ZC3H3: variants seen among roughly 807,000 people sequenced by gnomAD.
ZC3H3 encodes the protein zinc finger CCCH-type containing 3.
In ZC3H3, 36 loss-of-function variants were observed where a neutral mutation model predicts 77.3. The observed-to-expected ratio is 0.47, with a 90% confidence interval of 0.36 to 0.61. ZC3H3 has a LOEUF of 0.61. Ranked by LOEUF, ZC3H3 falls within the 20% of genes least tolerant of loss-of-function variation. The probability of loss-of-function intolerance (pLI) is 0.00; values close to 1 mark genes in which losing one functional copy is unlikely to be tolerated. For missense variants in ZC3H3, 1,331 were observed against 1,312.2 expected (o/e 1.01, Z -0.22); for synonymous variants, 626 against 555.2 (o/e 1.13, Z -1.79).
rs1821747228 is a variant in ZC3H3, at chr8:143,507,768, C to T, written c.1693G>A (p.Ala565Thr). 1.3e-6 allele frequency: 2 copies of T among 1,586,210 alleles called. No individual in the cohort carries two copies. Among genetic ancestry groups the T allele is most frequent in the Non-Finnish European group, 8.6e-7 (1 of 1,167,618 alleles). Reference sequence around the variant, plus strand: ...TACCTGGATAGTGAGAGCCGCCGGGCCCGCCAGGAGGGCAGAGACAGGGGG... The same window carrying T: ...TACCTGGATAGTGAGAGCCGCCGGGTCCGCCAGGAGGGCAGAGACAGGGGG... ...PFPLSLPSWR[A>T]RRLSLSRSLV... Residue 565 changes from alanine to threonine, a missense_variant, in exon 4 of 12, where the codon GCC becomes ACC. Around this residue, in one of 3 missense-constraint regions of ZC3H3, gnomAD observed 978 missense variants for 915.5 expected, o/e 1.07. Transcript: ENST00000262577.
chr8:143,517,250 G>A (rs563888072), intron 3 of ZC3H3, among the ~76,000 whole-genome samples: 9 of 152,306 alleles, frequency 5.9e-5, no homozygotes, highest in South Asian at 2.1e-4. Flanking sequence ...TATGGAGAGT[G>A]GGGCTTCCTC....
At chr8:143,541,115 G>A (rs867346092) in intron 1 of ZC3H3, among the ~76,000 whole-genome samples, 1 of 152,174 alleles carries the variant, frequency 6.6e-6, no homozygotes, top group Non-Finnish European at 1.5e-5. Context: ...GCCGCCCCCC[G>A]CGGGTTACTA....
chr8:143,539,042 G>A lies in ZC3H3; in HGVS notation c.325C>T (p.His109Tyr), dbSNP rs183380208. 1.9e-6 allele frequency: 3 copies of A among 1,613,064 alleles called. No homozygotes were observed. The highest frequency in any genetic ancestry group is 1.1e-5 in the South Asian group (1 of 91,086). ...RGGQPPVPQQHVLERQVQLSQ... is the reference protein window; with the variant it reads ...RGGQPPVPQQYVLERQVQLSQ... ...AGCTGGACCTGTCTCTCAAGGACAT[G>A]CTGCTGCGGGACAGGAGGCTGGCCC... Residue 109 changes from histidine (H) to tyrosine (Y), a missense_variant, in exon 2 of 12, where the codon CAT becomes TAT. His to Tyr is a moderately conservative substitution (Grantham distance 83). Coordinates refer to ENST00000262577, the MANE Select transcript of ZC3H3 (RefSeq NM_015117.3).
Position 143,533,783 on chromosome 8 carries a change from C to A in ZC3H3, c.1561+2474G>T, listed in dbSNP as rs563036609. On this transcript the variant is annotated intron_variant, in intron 3 of 11. Transcript: ENST00000262577. This position sits in a 1 kb window ranked among gnomAD's most constrained non-coding sequence, Gnocchi z 4.0. ...CTCTGCCTCCTGGGTTCAAGTGATT[C>A]TCCTGCCTCAGCCTCCCGAGTAGAT... is the stretch of plus-strand genomic sequence containing the variant. 6.7e-6 allele frequency among the ~76,000 whole-genome samples: 1 copy of A among 150,020 alleles called. No homozygotes were observed. The highest frequency in any genetic ancestry group is 6.7e-5 in the Admixed American group (1 of 14,932).
intron 4 of ZC3H3, among the ~76,000 whole-genome samples, chr8:143,501,725 G>A (rs970417431): frequency 2.0e-5 from 3 of 150,388 alleles, no homozygotes; most frequent in South Asian, 2.1e-4. Flanking sequence ...GCCCGGCCCC[G>A]GGGCGCTGGT....
Position 143,507,873 on chromosome 8 carries a change from C to A in ZC3H3, c.1588G>T (p.Ala530Ser). ...EASSLHAVRT[A>S]PTSKVIKTRY... ...GTCTTGATCACCTTGCTGGTGGGTG[C>A]AGTCCGCACGGCATGCAGGCTGGAC... The change falls in exon 4 of 12, where the codon GCA (alanine) becomes TCA (serine). Residue 530 changes from alanine to serine, a missense_variant. Around this residue, in one of 3 missense-constraint regions of ZC3H3, gnomAD observed 978 missense variants for 915.5 expected, o/e 1.07. Transcript: ENST00000262577. The A allele has an allele frequency of 6.2e-7, 1 of 1,605,550 alleles. No homozygotes were observed. The highest frequency in any genetic ancestry group is 1.3e-5 in the African/African-American group (1 of 74,820).
At chr8:143,484,816 C>G (rs1821006525) in intron 4 of ZC3H3, 1 of 441,342 alleles carries the variant, frequency 2.3e-6, no homozygotes. Context: ...AAGAGACTCA[C>G]AGCAGACATC....
rs1052926712 is a variant in ZC3H3, at chr8:143,494,635, G to C, written c.1715+13111C>G. On this transcript the variant is annotated intron_variant, in intron 4 of 11. Transcript: ENST00000262577. This position sits in a 1 kb window ranked among gnomAD's most constrained non-coding sequence, Gnocchi z 5.3. The stretch of plus-strand genomic sequence containing the variant: ...GGGAAGCGGCAGGTCGGGGGAGGGG[G>C]GTGCTGTGGGCAGACACACGAGGGG... 6.6e-6 allele frequency among the ~76,000 whole-genome samples: 1 copy of C among 152,152 alleles called. No individual in the cohort carries two copies. The highest frequency in any genetic ancestry group is 1.5e-5 in the Non-Finnish European group (1 of 68,030).
rs1317352097 is a variant in ZC3H3, at chr8:143,439,882, T to C, written c.2815+159A>G. Among the ~76,000 whole-genome samples, 133 of 112,568 alleles carry C rather than the reference T, an allele frequency of 1.2e-3. 2 individuals are homozygous for C. Among genetic ancestry groups the C allele is most frequent in the Middle Eastern group, 5.1e-3 (1 of 198 alleles). 73.8% of individuals were successfully genotyped at this position (112,568 alleles called of 152,430 possible). On this transcript the variant is annotated intron_variant, in intron 11 of 11. Coordinates refer to ENST00000262577, the MANE Select transcript of ZC3H3 (RefSeq NM_015117.3). Reference sequence around the variant, plus strand: ...AGCCAGGCCATGCTGCCTACCTGAGTCCTTGGTGAGGGAGGCCCTGGGGGC... The same window carrying C: ...AGCCAGGCCATGCTGCCTACCTGAGCCCTTGGTGAGGGAGGCCCTGGGGGC...
rs182648445 is a variant in ZC3H3, at chr8:143,536,458, G to T, written c.1365-5C>A. 662 of 1,494,712 alleles carry T rather than the reference G, an allele frequency of 4.4e-4. 8 individuals are homozygous for T. In the African/African-American group the frequency reaches 8.3e-3, roughly 19 times the overall value. 92.6% of individuals were successfully genotyped at this position (1,494,712 alleles called of 1,614,324 possible). ...CTTTTCTTGTCTCCAGGAAGGCTGT[G>T]GAGACAAAATACAGGCAGCTCTCAA... is the stretch of plus-strand genomic sequence containing the variant. On this transcript the variant is annotated splice_region_variant and splice_polypyrimidine_tract_variant and intron_variant, in intron 2 of 11. Coordinates refer to ENST00000262577, the MANE Select transcript of ZC3H3 (RefSeq NM_015117.3).
At chr8:143,459,377 C>T (rs13265464) in intron 9 of ZC3H3, among the ~76,000 whole-genome samples, 2 of 152,082 alleles carry the variant, frequency 1.3e-5, no homozygotes, top group Non-Finnish European at 2.9e-5. Flanking sequence ...GCGAAACCCG[C>T]GTCTCTACTA....
Position 143,536,358 on chromosome 8 carries a change from C to A in ZC3H3, c.1460G>T (p.Ser487Ile). Residue 487 changes from serine (S) to isoleucine (I), a missense_variant, in exon 3 of 12, where the codon AGC becomes ATC. This residue lies in a region of ZC3H3 where 978 missense variants were observed against 915.5 expected (regional missense o/e 1.07). Transcript: ENST00000262577. ...GTTGGGGGTCTTCTTCAGGACAGGG[C>A]TGCTCTTCCCCCTGAGGGCCTGTCT... ...RRRQALRGKS[S>I]PVLKKTPNKG... The A allele has an allele frequency of 1.2e-6, 2 of 1,603,978 alleles. No individual in the cohort carries two copies. Among genetic ancestry groups the A allele is most frequent in the Non-Finnish European group, 1.7e-6 (2 of 1,175,482 alleles).
Position 143,441,009 on chromosome 8 carries a change from CCCG to C in ZC3H3, c.2416_2418del (p.Arg806del), listed in dbSNP as rs1819726800. ...GGCCCTGGGGCGGGGGACGTGGCTG[CCCG>C]CCGACTGTGGCGTTTCTGGGTACGG... On this transcript the variant is annotated inframe_deletion, in exon 10 of 12. Transcript: ENST00000262577. 2 of 1,472,780 alleles carry C rather than the reference CCCG, an allele frequency of 1.4e-6. No homozygotes were observed. Among genetic ancestry groups the C allele is most frequent in the Non-Finnish European group, 1.8e-6 (2 of 1,119,432 alleles). 91.2% of individuals were successfully genotyped at this position (1,472,780 alleles called of 1,614,324 possible).
chr8:143,498,845 G>A (rs1187984322), intron 4 of ZC3H3, among the ~76,000 whole-genome samples: 69 of 125,688 alleles, frequency 5.5e-4, no homozygotes, highest in African/African-American at 2.1e-3. Context: ...GGGCGGGGCA[G>A]AGGGGTACAG....
intron 3 of ZC3H3, among the ~76,000 whole-genome samples, chr8:143,520,645 T>C (rs12114847): frequency 0.017 from 2,647 of 152,304 alleles, 80 homozygotes; most frequent in African/African-American, 0.061. Context: ...GAGCCCAGGC[T>C]GAGCCGTTTC....
intron 9 of ZC3H3, among the ~76,000 whole-genome samples, chr8:143,457,911 T>C (rs1297608085): frequency 1.3e-5 from 2 of 151,036 alleles, no homozygotes; most frequent in Non-Finnish European, 1.5e-5. Context: ...TAATCTAAGC[T>C]CCCATTTCAA....
At position 143,494,195 on chromosome 8, in the gene ZC3H3, C is replaced by T. The variant is rs1024122783; in HGVS notation, c.1715+13551G>A. On this transcript the variant is annotated intron_variant, in intron 4 of 11. Transcript: ENST00000262577. This position sits in a 1 kb window ranked among gnomAD's most constrained non-coding sequence, Gnocchi z 5.3. ...CCACGCCTGGTGCCCACCCACACCC[C>T]ACACAGAGGCCCAGAGCGCCCTGGA... Among the ~76,000 whole-genome samples, 1 of 152,246 alleles carries T rather than the reference C, an allele frequency of 6.6e-6. No individual in the cohort carries two copies. The highest frequency in any genetic ancestry group is 1.5e-5 in the Non-Finnish European group (1 of 68,030).
intron 3 of ZC3H3, among the ~76,000 whole-genome samples, chr8:143,522,085 A>G (rs1822262788): frequency 6.6e-6 from 1 of 152,202 alleles, no homozygotes; most frequent in Non-Finnish European, 1.5e-5. Flanking sequence ...CCCAGTGCTG[A>G]GCCCCCTGAC....
chr8:143,537,674 TG>T (rs10719055), intron 2 of ZC3H3, among the ~76,000 whole-genome samples: 30,816 of 152,226 alleles, frequency 0.2, 3,208 homozygotes, highest in Middle Eastern at 0.28. Context: ...CCCCTGCGCC[TG>T]GCCTGGCACA....
Sources: gnomAD v4.1 joint callset for allele counts (sites outside exome capture counted in the v4.1 genomes callset) on GRCh38, gnomAD v4.1.1 for gene constraint, gnomAD v4.1.1 regional missense constraint, Gnocchi (gnomAD v3.1) non-coding constraint, MANE v1.5 for transcripts, NCBI Gene and HGNC (gene_info 2026-07-23, HGNC 2026-07-21) for gene names.